The following SLC2A6 variants were observed in gnomAD, a reference collection of about 807,000 sequenced individuals.
SLC2A6 encodes the protein solute carrier family 2 member 6.
Under a neutral mutation model 47.8 loss-of-function variants are expected in SLC2A6, and 39 were observed. The ratio of observed to expected loss-of-function variants is 0.82; its 90% CI spans 0.63 to 1.07. The LOEUF (loss-of-function observed/expected upper bound fraction) is 1.07, where lower values mean the gene tolerates loss of function less well. Ranked by LOEUF, SLC2A6 falls within the 50% of genes least tolerant of loss-of-function variation. The pLI is 0.00. For missense variants in SLC2A6, 650 were observed against 707.6 expected (o/e 0.92, Z 0.92); for synonymous variants, 346 against 324.1 (o/e 1.07, Z -0.73).
chr9:133,478,882 G>A (rs1554804093), intron 1 of SLC2A6, 86 bp downstream of exon 1: 27 of 1,244,932 alleles, frequency 2.2e-5, no homozygotes, highest in Non-Finnish European at 3.0e-5. Flanking sequence ...GTCAGGGGAG[G>A]CCCAGGGCGG....
intron 7 of SLC2A6, 27 bp from the exon 8 acceptor site, chr9:133,473,627 G>T: frequency 6.7e-7 from 1 of 1,491,826 alleles, no homozygotes; most frequent in Non-Finnish European, 8.9e-7. Context: ...GGCCTCGTGG[G>T]GCCAGGACCC....
intron 9 of SLC2A6, 115 bp downstream of exon 9, chr9:133,472,990 G>A (rs1285037652): frequency 9.6e-6 from 11 of 1,142,728 alleles, no homozygotes; most frequent in Non-Finnish European, 1.2e-5. Flanking sequence ...CATCTCCTAG[G>A]GTCACTGAGA....
In SLC2A6 at chr9:133,471,836, TG is replaced by T; in HGVS notation, c.*184del. The T allele has an allele frequency of 1.6e-6, 1 of 642,748 alleles. No individual in the cohort carries two copies. 39.8% of individuals were successfully genotyped at this position (642,748 alleles called of 1,614,324 possible). ...GGGCTGCCTGGGCTGGGGCTGTGGC[TG>T]GACAGCAGTGCTACCTGTCCCGAGC... On this transcript the variant is annotated 3_prime_UTR_variant, in exon 10 of 10. Coordinates refer to ENST00000371899, the MANE Select transcript of SLC2A6 (RefSeq NM_017585.4).
At position 133,474,040 on chromosome 9, in the gene SLC2A6, C is replaced by G; in HGVS notation, c.976G>C (p.Val326Leu). 1 of 1,610,674 alleles carries G rather than the reference C, an allele frequency of 6.2e-7. No individual in the cohort carries two copies. Among genetic ancestry groups the G allele is most frequent in the South Asian group, 1.1e-5 (1 of 90,742 alleles). ...AIVGAVRLLS[V>L]LIAALTMDLA... ...TCCATGGTGAGGGCGGCGATCAGCA[C>G]GGACAGGAGCCGCACGGCCCCAACG... The change falls in exon 7 of 10, where the codon GTG (valine) becomes CTG (leucine). Residue 326 changes from valine to leucine, a missense_variant. By Grantham distance (32) the Val-to-Leu change is conservative (BLOSUM62 1). Coordinates refer to ENST00000371899, the MANE Select transcript of SLC2A6 (RefSeq NM_017585.4).
At chr9:133,478,896 C>G (rs1723604547) in intron 1 of SLC2A6, 72 bp downstream of exon 1, 1 of 1,401,202 alleles carries the variant, frequency 7.1e-7, no homozygotes, top group East Asian at 2.7e-5. Context: ...AGGGCGGGAG[C>G]CTGCCGCCGG....
intron 1 of SLC2A6, 75 bp downstream of exon 1, chr9:133,478,893 G>A: frequency 7.3e-7 from 1 of 1,376,006 alleles, no homozygotes; most frequent in Admixed American, 2.5e-5. Context: ...CCCAGGGCGG[G>A]AGCCTGCCGC....
intron 6 of SLC2A6, 94 bp downstream of exon 6, chr9:133,474,867 G>T: frequency 7.7e-7 from 1 of 1,292,598 alleles, no homozygotes; most frequent in East Asian, 2.8e-5. Context: ...TAAGACCAGG[G>T]GTTGGGTAAG....
chr9:133,476,139 C>A, intron 4 of SLC2A6, 98 bp downstream of exon 4: 1 of 954,100 alleles, frequency 1.0e-6, no homozygotes, highest in Non-Finnish European at 1.6e-6. Flanking sequence ...AGCCCAGGAT[C>A]TGTTCTGGGA....
Position 133,478,345 on chromosome 9 carries a change from G to T in SLC2A6, c.164C>A (p.Ala55Asp). 6.2e-7 allele frequency: 1 copy of T among 1,614,168 alleles called. No individual in the cohort carries two copies. Among genetic ancestry groups the T allele is most frequent in the Non-Finnish European group, 8.5e-7 (1 of 1,180,024 alleles). ...AVLGNFSFGY[A>D]LVYTSPVIPA... ...GATGACAGGGGATGTGTAGACCAGG[G>T]CATACCCAAAGCTGAAATTGCCGAG... Residue 55 changes from alanine to aspartate, a missense_variant, in exon 2 of 10, where the codon GCC (alanine) becomes GAC (aspartate). Ala to Asp is a moderately radical substitution (Grantham distance 126). Coordinates refer to ENST00000371899, the MANE Select transcript of SLC2A6 (RefSeq NM_017585.4).
chr9:133,473,309 G>C (rs1843804116), intron 8 of SLC2A6, 59 bp from the exon 9 acceptor site: 2 of 1,545,628 alleles, frequency 1.3e-6, no homozygotes, highest in Admixed American at 2.0e-5. Flanking sequence ...GGCTGTGTCT[G>C]TCTCCGCTGA....
Position 133,475,387 on chromosome 9 carries a change from C to A in SLC2A6, c.774+13G>T. ...GGTGGGCCTGCCCGGTTCGGGCGCACACCCTCCTGCACCTGTCTCCGGACG... is the reference window on the plus strand; with the variant it reads ...GGTGGGCCTGCCCGGTTCGGGCGCAAACCCTCCTGCACCTGTCTCCGGACG... On this transcript the variant is annotated intron_variant, in intron 5 of 9. Transcript: ENST00000371899. 6.3e-7 allele frequency: 1 copy of A among 1,576,640 alleles called. No individual in the cohort carries two copies.
intron 9 of SLC2A6, among the ~76,000 whole-genome samples, chr9:133,472,493 G>A (rs1843762304): frequency 6.6e-6 from 1 of 152,114 alleles, no homozygotes; most frequent in South Asian, 2.1e-4. Context: ...CGGCCTGCAG[G>A]AGGCCCGCCC....
intron 3 of SLC2A6, 144 bp downstream of exon 3, chr9:133,476,891 A>G: frequency 1.1e-6 from 1 of 883,634 alleles, no homozygotes; most frequent in South Asian, 1.6e-5. Flanking sequence ...GCTGGGGGTG[A>G]GCTGAGGCGC....
intron 9 of SLC2A6, 81 bp from the exon 10 acceptor site, chr9:133,472,257 G>A: frequency 1.3e-6 from 2 of 1,528,818 alleles, no homozygotes; most frequent in Non-Finnish European, 1.8e-6. Flanking sequence ...GGCGCTGCTG[G>A]TAGTGACCAG....
In SLC2A6 at chr9:133,479,099, T is replaced by A; in HGVS notation, c.-40A>T. 3 of 1,522,114 alleles carry A rather than the reference T, an allele frequency of 2.0e-6. No individual in the cohort carries two copies. The highest frequency in any genetic ancestry group is 2.6e-6 in the Non-Finnish European group (3 of 1,138,156). 94.3% of individuals were successfully genotyped at this position (1,522,114 alleles called of 1,614,324 possible). ...CGGGGCGAGCGGAGGGCGCTCAGAC[T>A]GGAGCAGCCGCCCGGGGCCAGCAGC... On this transcript the variant is annotated 5_prime_UTR_variant, in exon 1 of 10. Coordinates refer to ENST00000371899, the MANE Select transcript of SLC2A6 (RefSeq NM_017585.4).
Position 133,474,049 on chromosome 9 carries a change from G to T in SLC2A6, c.967C>A (p.Leu323Ile). Residue 323 changes from leucine to isoleucine, a missense_variant, in exon 7 of 10, where the codon CTC becomes ATC. Physicochemically the swap from Leu to Ile is conservative, Grantham distance 5. Coordinates refer to ENST00000371899, the MANE Select transcript of SLC2A6 (RefSeq NM_017585.4). ...DDAAIVGAVR[L>I]LSVLIAALTM... is the part of the protein sequence containing the mutation. ...AGGGCGGCGATCAGCACGGACAGGA[G>T]CCGCACGGCCCCAACGATGGCTGCG... 1 of 1,610,254 alleles carries T rather than the reference G, an allele frequency of 6.2e-7. No individual in the cohort carries two copies.
intron 3 of SLC2A6, 54 bp from the exon 4 acceptor site, chr9:133,476,390 C>G (rs782659347): frequency 1.9e-5 from 29 of 1,513,004 alleles, no homozygotes; most frequent in Non-Finnish European, 2.7e-5. Flanking sequence ...GTTCCTAGGC[C>G]CGGCCGAGAT....
chr9:133,473,315 G>A lies in SLC2A6; in HGVS notation c.1223-65C>T, dbSNP rs140954057. The A allele has an allele frequency of 2.5e-3, 3,896 of 1,541,474 alleles. 12 individuals carry two copies. The highest frequency in any genetic ancestry group is 7.8e-3 in the South Asian group (655 of 83,596). The stretch of plus-strand genomic sequence containing the variant: ...ACTGGAGGCGGCTGTGTCTGTCTCC[G>A]CTGAGCTGCTGGAGACCCCCCTCTC... On this transcript the variant is annotated intron_variant, in intron 8 of 9. Transcript: ENST00000371899.
At chr9:133,476,833 G>C (rs1016278563) in intron 3 of SLC2A6, among the ~76,000 whole-genome samples, 2 of 152,242 alleles carry the variant, frequency 1.3e-5, no homozygotes, top group African/African-American at 4.8e-5. Context: ...AGTCCAGAGT[G>C]GGGGCAGCTG....
Sources: gnomAD v4.1 joint callset for allele counts (sites outside exome capture counted in the v4.1 genomes callset) on GRCh38, gnomAD v4.1.1 for gene constraint, MANE v1.5 for transcripts, NCBI Gene and HGNC (gene_info 2026-07-23, HGNC 2026-07-21) for gene names.